CYP8B1: variants seen among roughly 807,000 people sequenced by gnomAD.
CYP8B1 encodes the protein 7-alpha-hydroxycholest-4-en-3-one 12-alpha-hydroxylase.
For synonymous variants in CYP8B1, 221 were observed against 251.2 expected (o/e 0.88, Z 1.14); for missense variants, 594 against 643.7 (o/e 0.92, Z 0.84).
Position 42,874,332 on chromosome 3 carries a change from G to A in CYP8B1, c.1485C>T (p.Tyr495=). The change falls in exon 1 of 1, where the codon TAC becomes TAT. Residue 495 remains tyrosine (Y), a synonymous_variant. Coordinates refer to ENST00000316161, the MANE Select transcript of CYP8B1 (RefSeq NM_004391.3). ...MQPSHDVRFR[Y]RLHPTE is the part of the protein sequence containing the mutation. ...AAGCTCACTCTGTAGGATGCAGGCG[G>A]TAGCGGAAGCGCACATCGTGGCTGG... is the stretch of plus-strand genomic sequence containing the variant. 1.2e-6 allele frequency: 2 copies of A among 1,614,018 alleles called. No homozygotes were observed. Among genetic ancestry groups the A allele is most frequent in the Non-Finnish European group, 1.7e-6 (2 of 1,179,954 alleles).
rs777977904 is a variant in CYP8B1 at position 42,874,736 on chromosome 3, G to T, written c.1081C>A (p.His361Asn). 2 of 1,614,114 alleles carry T rather than the reference G, an allele frequency of 1.2e-6. No homozygotes were observed. The highest frequency in any genetic ancestry group is 2.2e-5 in the South Asian group (2 of 91,076). The change falls in exon 1 of 1, where the codon CAT (histidine) becomes AAT (asparagine). Residue 361 changes from histidine (H) to asparagine (N), a missense_variant. His to Asn is a moderately conservative substitution (Grantham distance 68). Transcript: ENST00000316161. ...GACATCTTCAGGGTATAGTCTTCAT[G>T]AACCAACCTGAGGAGGGTGGGTGCA... ...RAAPTLLRLV[H>N]EDYTLKMSSG...
chr3:42,874,571 T>C lies in CYP8B1; in HGVS notation c.1246A>G (p.Lys416Glu), dbSNP rs1288077237. The C allele has an allele frequency of 6.2e-7, 1 of 1,614,024 alleles. No homozygotes were observed. Among genetic ancestry groups the C allele is most frequent in the Non-Finnish European group, 8.5e-7 (1 of 1,180,036 alleles). ...TTGCCTGTCTTGAAGAAGTCCACTTTCCGGCTGCCATTAGGGTTGAGGAAG... is the reference window on the plus strand; with the variant it reads ...TTGCCTGTCTTGAAGAAGTCCACTTCCCGGCTGCCATTAGGGTTGAGGAAG... ...DRFLNPNGSR[K>E]VDFFKTGKKI... Residue 416 changes from lysine to glutamate, a missense_variant, in exon 1 of 1, where the codon AAA (lysine) becomes GAA (glutamate). Coordinates refer to ENST00000316161, the MANE Select transcript of CYP8B1 (RefSeq NM_004391.3).
In CYP8B1 at chr3:42,873,543, T is replaced by C. The variant is rs576368444; in HGVS notation, c.*768A>G. 1.3e-5 allele frequency: 2 copies of C among 152,334 alleles called. No individual in the cohort carries two copies. Among genetic ancestry groups the C allele is most frequent in the East Asian group, 3.9e-4 (2 of 5,190 alleles). 9.4% of individuals were successfully genotyped at this position (152,334 alleles called of 1,614,324 possible). On this transcript the variant is annotated 3_prime_UTR_variant, in exon 1 of 1. Coordinates refer to ENST00000316161, the MANE Select transcript of CYP8B1 (RefSeq NM_004391.3). ...ACTATTACGTTAAAATTTTTAATAG[T>C]GATCACGTTGAAATGCCAATATTTT...
rs766151616 is a variant in CYP8B1, at chr3:42,874,427, C to G, written c.1390G>C (p.Glu464Gln). The change falls in exon 1 of 1, where the codon GAG becomes CAG. Residue 464 changes from glutamate (E) to glutamine (Q), a missense_variant. Transcript: ENST00000316161. ...ILLMVTHFDLELVDPDTPLPH... is the reference protein window; with the variant it reads ...ILLMVTHFDLQLVDPDTPLPH... Reference sequence around the variant, plus strand: ...AGTGGTGTGTCAGGGTCCACCAACTCTAAGTCAAAGTGTGTGACCATAAGC... The same window carrying G: ...AGTGGTGTGTCAGGGTCCACCAACTGTAAGTCAAAGTGTGTGACCATAAGC... The G allele has an allele frequency of 7.4e-6, 12 of 1,614,142 alleles. No individual in the cohort carries two copies. The South Asian group carries it at 1.3e-4, about 18-fold the overall frequency.
rs754137783 is a variant in CYP8B1, at chr3:42,874,808, T to C, written c.1009A>G (p.Thr337Ala). The C allele has an allele frequency of 6.2e-7, 1 of 1,612,440 alleles. No homozygotes were observed. The highest frequency in any genetic ancestry group is 1.3e-5 in the African/African-American group (1 of 74,720). The change falls in exon 1 of 1, where the codon ACC (threonine) becomes GCC (alanine). Residue 337 changes from threonine (T) to alanine (A), a missense_variant. Coordinates refer to ENST00000316161, the MANE Select transcript of CYP8B1 (RefSeq NM_004391.3). ...TCCACCACGCTGTCTAGAACTGGGG[T>C]GTGTTGCAGGGCACCGAGTTTGAAG... ...FAFKLGALQH[T>A]PVLDSVVEET...
Position 42,874,358 on chromosome 3 carries a change from G to T in CYP8B1, c.1459C>A (p.Pro487Thr), listed in dbSNP as rs138532585. Residue 487 changes from proline to threonine, a missense_variant, in exon 1 of 1, where the codon CCC (proline) becomes ACC (threonine). Pro to Thr is a conservative substitution (Grantham distance 38). Transcript: ENST00000316161. ...TAGCGGAAGCGCACATCGTGGCTGG[G>T]CTGCATGGTGCCAAAACCCCAGCGC... The part of the protein sequence containing the change: ...PQRWGFGTMQ[P>T]SHDVRFRYRL... 3.1e-6 allele frequency: 5 copies of T among 1,614,022 alleles called. No homozygotes were observed. Among genetic ancestry groups the T allele is most frequent in the Non-Finnish European group, 8.5e-7 (1 of 1,180,010 alleles).
chr3:42,874,683 A>G lies in CYP8B1; in HGVS notation c.1134T>C (p.His378=). The change falls in exon 1 of 1, where the codon CAT becomes CAC. Residue 378 remains histidine (H), a synonymous_variant. Coordinates refer to ENST00000316161, the MANE Select transcript of CYP8B1 (RefSeq NM_004391.3). ...AGGGAAAGAGGGCCAGGATGTCTCC[A>G]TGGCGGAACAGATACTCCTGCCCAC... The part of the protein sequence containing the change: ...MSSGQEYLFR[H]GDILALFPYL... 1 of 1,614,034 alleles carries G rather than the reference A, an allele frequency of 6.2e-7. No individual in the cohort carries two copies. The highest frequency in any genetic ancestry group is 8.5e-7 in the Non-Finnish European group (1 of 1,179,980).
rs375878087 is a variant in CYP8B1 at position 42,874,850 on chromosome 3, T to A, written c.967A>T (p.Thr323Ser). Residue 323 changes from threonine to serine, a missense_variant, in exon 1 of 1, where the codon ACC (threonine) becomes TCC (serine). Thr to Ser is a moderately conservative substitution (Grantham distance 58). Transcript: ENST00000316161. Reference sequence around the variant, plus strand: ...AGTTTGAAGGCAAAGGACTGCTTGGTCTCCAGCCTGGCCTCACCCAGGACC... The same window carrying A: ...AGTTTGAAGGCAAAGGACTGCTTGGACTCCAGCCTGGCCTCACCCAGGACC... The part of the protein sequence containing the change: ...TQVLGEARLE[T>S]KQSFAFKLGA... The A allele has an allele frequency of 1.2e-5, 19 of 1,604,536 alleles. No individual in the cohort carries two copies. The highest frequency in any genetic ancestry group is 1.4e-5 in the Non-Finnish European group (17 of 1,174,262).
Position 42,875,878 on chromosome 3 carries a change from T to C in CYP8B1, c.-62A>G. ...ACTGTTCCCTGGGTGCCAGAGAGCT[T>C]TGGGAGGCCTTGGAAAGTCCAGGAT... On this transcript the variant is annotated 5_prime_UTR_variant, in exon 1 of 1. Coordinates refer to ENST00000316161, the MANE Select transcript of CYP8B1 (RefSeq NM_004391.3). The C allele has an allele frequency of 7.8e-7, 1 of 1,290,286 alleles. No homozygotes were observed. Among genetic ancestry groups the C allele is most frequent in the South Asian group, 3.2e-5 (1 of 31,094 alleles). The allele number at this position is 1,290,286 out of a possible 1,614,324, so 79.9% of individuals were successfully genotyped here. A position where few individuals can be genotyped will look rare whatever the true frequency, so the allele number is the denominator to read the frequency against.
In CYP8B1 at chr3:42,874,735, T is replaced by C. The variant is rs1382453804; in HGVS notation, c.1082A>G (p.His361Arg). The change falls in exon 1 of 1, where the codon CAT (histidine) becomes CGT (arginine). Residue 361 changes from histidine (H) to arginine (R), a missense_variant. By Grantham distance (29) the His-to-Arg change is conservative. Transcript: ENST00000316161. ...RAAPTLLRLV[H>R]EDYTLKMSSG... The stretch of plus-strand genomic sequence containing the variant: ...GGACATCTTCAGGGTATAGTCTTCA[T>C]GAACCAACCTGAGGAGGGTGGGTGC... 3 of 1,613,982 alleles carry C rather than the reference T, an allele frequency of 1.9e-6. No homozygotes were observed. The highest frequency in any genetic ancestry group is 4.5e-5 in the East Asian group (2 of 44,882).
rs1211586712 is a variant in CYP8B1, at chr3:42,874,381, C to T, written c.1436G>A (p.Arg479His). The T allele has an allele frequency of 1.1e-5, 18 of 1,613,978 alleles. No individual in the cohort carries two copies. The East Asian group carries it at 2.5e-4, about 22-fold the overall frequency. ...DTPLPHVDPQ[R>H]WGFGTMQPSH... ...GGGCTGCATGGTGCCAAAACCCCAG[C>T]GCTGCGGGTCAACATGGGGTAGTGG... Residue 479 changes from arginine to histidine, a missense_variant, in exon 1 of 1, where the codon CGC (arginine) becomes CAC (histidine). Arg to His is a conservative substitution (Grantham distance 29). Transcript: ENST00000316161.
chr3:42,874,016 A>G lies in CYP8B1; in HGVS notation c.*295T>C. On this transcript the variant is annotated 3_prime_UTR_variant, in exon 1 of 1. Transcript: ENST00000316161. ...CAGTCTCTGTACTCAGGACTTCTCAAGGCAGGCATCATCTCCCAAACCAAG... is the reference window on the plus strand; with the variant it reads ...CAGTCTCTGTACTCAGGACTTCTCAGGGCAGGCATCATCTCCCAAACCAAG... 2.3e-6 allele frequency: 1 copy of G among 427,924 alleles called. No individual in the cohort carries two copies. Among genetic ancestry groups the G allele is most frequent in the Non-Finnish European group, 4.3e-6 (1 of 233,854 alleles). The allele number at this position is 427,924 out of a possible 1,614,324, so 26.5% of individuals were successfully genotyped here. A position where few individuals can be genotyped will look rare whatever the true frequency, so the allele number is the denominator to read the frequency against.
In CYP8B1 at chr3:42,875,289, G is replaced by T; in HGVS notation, c.528C>A (p.Ile176=). 9 of 1,609,690 alleles carry T rather than the reference G, an allele frequency of 5.6e-6. No homozygotes were observed. Among genetic ancestry groups the T allele is most frequent in the Non-Finnish European group, 7.6e-6 (9 of 1,177,342 alleles). Residue 176 remains isoleucine, a synonymous_variant, in exon 1 of 1, where the codon ATC becomes ATA. Coordinates refer to ENST00000316161, the MANE Select transcript of CYP8B1 (RefSeq NM_004391.3). The part of the protein sequence containing the change: ...EDSLFRFCYY[I]LFTAGYLSLF... Reference sequence around the variant, plus strand: ...AGCTCAGGTAGCCAGCTGTGAACAAGATGTAATAGCAGAAGCGAAAGAGGC... The same window carrying T: ...AGCTCAGGTAGCCAGCTGTGAACAATATGTAATAGCAGAAGCGAAAGAGGC...
At position 42,873,936 on chromosome 3, in the gene CYP8B1, G is replaced by T. The variant is rs1020270681; in HGVS notation, c.*375C>A. On this transcript the variant is annotated 3_prime_UTR_variant, in exon 1 of 1. Coordinates refer to ENST00000316161, the MANE Select transcript of CYP8B1 (RefSeq NM_004391.3). Reference sequence around the variant, plus strand: ...TTGCTGAAAAAACTAAAGCAAGCTGGGAGAGTGGAGGCTGATGTTTGCAAG... The same window carrying T: ...TTGCTGAAAAAACTAAAGCAAGCTGTGAGAGTGGAGGCTGATGTTTGCAAG... The T allele has an allele frequency of 2.1e-5, 5 of 235,756 alleles. No individual in the cohort carries two copies. The highest frequency in any genetic ancestry group is 4.1e-5 in the Non-Finnish European group (5 of 121,176). The allele number at this position is 235,756 out of a possible 1,614,324, so 14.6% of individuals were successfully genotyped here. A position where few individuals can be genotyped will look rare whatever the true frequency, so the allele number is the denominator to read the frequency against.
In CYP8B1 at chr3:42,875,286, C is replaced by G. The variant is rs1388431025; in HGVS notation, c.531G>C (p.Leu177Phe). The G allele has an allele frequency of 1.2e-6, 2 of 1,608,090 alleles. No individual in the cohort carries two copies. Among genetic ancestry groups the G allele is most frequent in the Non-Finnish European group, 1.7e-6 (2 of 1,176,346 alleles). Residue 177 changes from leucine (L) to phenylalanine (F), a missense_variant, in exon 1 of 1, where the codon TTG (leucine) becomes TTC (phenylalanine). Transcript: ENST00000316161. ...ACAAGCTCAGGTAGCCAGCTGTGAA[C>G]AAGATGTAATAGCAGAAGCGAAAGA... The part of the protein sequence containing the change: ...DSLFRFCYYI[L>F]FTAGYLSLFG...
Position 42,872,364 on chromosome 3 carries a change from C to A in CYP8B1, c.*1947G>T, listed in dbSNP as rs2088478776. ...GATACAAATGGTGCTGCAGGAGCTG[C>A]ACAGTTCGGAGGCCATTTCTGGCCA... On this transcript the variant is annotated 3_prime_UTR_variant, in exon 1 of 1. Coordinates refer to ENST00000316161, the MANE Select transcript of CYP8B1 (RefSeq NM_004391.3). 6.6e-6 allele frequency: 1 copy of A among 152,274 alleles called. No homozygotes were observed. The highest frequency in any genetic ancestry group is 6.5e-5 in the Admixed American group (1 of 15,286). The allele number at this position is 152,274 out of a possible 1,614,324, so 9.4% of individuals were successfully genotyped here. A position where few individuals can be genotyped will look rare whatever the true frequency, so the allele number is the denominator to read the frequency against.
Position 42,875,071 on chromosome 3 carries a change from T to C in CYP8B1, c.746A>G (p.Glu249Gly), listed in dbSNP as rs780728038. 6.2e-7 allele frequency: 1 copy of C among 1,613,884 alleles called. No individual in the cohort carries two copies. Among genetic ancestry groups the C allele is most frequent in the East Asian group, 2.2e-5 (1 of 44,864 alleles). ...MLSVSHSQEK[E>G]GISNWLGNML... is the part of the protein sequence containing the mutation. ...GTTGCCCAGCCAGTTGCTGATGCCC[T>C]CCTTCTCCTGGCTGTGGCTCACGGA... The change falls in exon 1 of 1, where the codon GAG becomes GGG. Residue 249 changes from glutamate to glycine, a missense_variant. Glu to Gly is a moderately conservative substitution (Grantham distance 98). Transcript: ENST00000316161.
In CYP8B1 at chr3:42,875,431, T is replaced by A. The variant is rs376125712; in HGVS notation, c.386A>T (p.Lys129Met). 6.2e-7 allele frequency: 1 copy of A among 1,612,996 alleles called. No homozygotes were observed. The highest frequency in any genetic ancestry group is 1.3e-5 in the African/African-American group (1 of 74,924). Residue 129 changes from lysine to methionine, a missense_variant, in exon 1 of 1, where the codon AAG (lysine) becomes ATG (methionine). Transcript: ENST00000316161. ...CTTCAAGCCATCCCCCCTCAGATGC[T>A]TGGTGCTGGCTGAGTGTATCATCTC... ...DHEMIHSASTKHLRGDGLKDL... is the reference protein window; with the variant it reads ...DHEMIHSASTMHLRGDGLKDL...
At position 42,873,931 on chromosome 3, in the gene CYP8B1, A is replaced by C; in HGVS notation, c.*380T>G. ...AAGTGTTGCTGAAAAAACTAAAGCAAGCTGGGAGAGTGGAGGCTGATGTTT... is the reference window on the plus strand; with the variant it reads ...AAGTGTTGCTGAAAAAACTAAAGCACGCTGGGAGAGTGGAGGCTGATGTTT... On this transcript the variant is annotated 3_prime_UTR_variant, in exon 1 of 1. Transcript: ENST00000316161. The C allele has an allele frequency of 4.3e-6, 1 of 232,102 alleles. No individual in the cohort carries two copies. The allele number at this position is 232,102 out of a possible 1,614,324, so 14.4% of individuals were successfully genotyped here. A position where few individuals can be genotyped will look rare whatever the true frequency, so the allele number is the denominator to read the frequency against.
Sources: gnomAD v4.1 joint callset for allele counts on GRCh38, gnomAD v4.1.1 for gene constraint, MANE v1.5 for transcripts, NCBI Gene and HGNC (gene_info 2026-07-23, HGNC 2026-07-21) for gene names.